The following VPS8 variants were observed in gnomAD, a reference collection of about 807,000 sequenced individuals.
The protein encoded by VPS8 is VPS8 subunit of CORVET complex, also known as vacuolar protein sorting-associated protein 8 homolog.
In VPS8, 129 loss-of-function variants were observed where a neutral mutation model predicts 216.4. That is an observed-to-expected ratio of 0.60 (90% CI 0.52 to 0.69). The LOEUF (loss-of-function observed/expected upper bound fraction) is 0.69, where lower values mean the gene tolerates loss of function less well. Among genes scored for constraint, VPS8 ranks in the 30% least tolerant of loss-of-function variants. The probability of loss-of-function intolerance (pLI) is 0.00; values close to 1 mark genes in which losing one functional copy is unlikely to be tolerated. For synonymous variants in VPS8, 571 were observed against 565.4 expected (o/e 1.01, Z -0.14); for missense variants, 1,531 against 1,683.5 (o/e 0.91, Z 1.59).
chr3:184,939,029 CAAAAAAA>C (rs201525906), intron 35 of VPS8, among the ~76,000 whole-genome samples: 1 of 53,460 alleles, frequency 1.9e-5, no homozygotes, highest in Non-Finnish European at 4.2e-5. Flanking sequence ...GACCCTGTCT[CAAAAAAA>C]AAAAAAAAAA....
intron 43 of VPS8, among the ~76,000 whole-genome samples, chr3:184,995,315 C>T (rs1353608769): frequency 6.6e-6 from 1 of 152,024 alleles, no homozygotes; most frequent in African/African-American, 2.4e-5. Flanking sequence ...AAAGGAAAAT[C>T]TGGGTGACAG....
intron 47 of VPS8, among the ~76,000 whole-genome samples, chr3:185,050,902 C>G (rs1475497490): frequency 1.3e-5 from 2 of 152,156 alleles, no homozygotes; most frequent in Non-Finnish European, 2.9e-5. Flanking sequence ...CCCACAGGTC[C>G]CAACTACTGT....
At chr3:185,011,591 A>G (rs778648910) in intron 45 of VPS8, among the ~76,000 whole-genome samples, 1 of 152,246 alleles carries the variant, frequency 6.6e-6, no homozygotes, top group Non-Finnish European at 1.5e-5. Context: ...CAGAGATTTC[A>G]GCAGCTGCCT....
intron 1 of VPS8, chr3:184,817,396 T>G (rs981154966): frequency 6.6e-6 from 1 of 152,166 alleles, no homozygotes; most frequent in African/African-American, 2.4e-5. Context: ...GCATTCCAAC[T>G]GGGGGCAAGG....
intron 34 of VPS8, among the ~76,000 whole-genome samples, chr3:184,934,630 A>G (rs1048139358): frequency 1.8e-4 from 28 of 152,072 alleles, no homozygotes; most frequent in Non-Finnish European, 3.7e-4. Context: ...TCATGAATGG[A>G]TTTTGAATTT....
chr3:184,936,560 T>TGG (rs1741671881), intron 35 of VPS8, among the ~76,000 whole-genome samples: 1 of 148,414 alleles, frequency 6.7e-6, no homozygotes, highest in Admixed American at 6.7e-5. Context: ...TGTGTGTGTG[T>TGG]GGTTGGGAGC....
intron 21 of VPS8, chr3:184,882,358 A>G: frequency 2.2e-6 from 1 of 454,506 alleles, no homozygotes; most frequent in South Asian, 1.6e-5. Context: ...GGCTATTGGC[A>G]TGGCATATCG....
chr3:184,953,737 T>C (rs2109435798), intron 36 of VPS8, among the ~76,000 whole-genome samples: 1 of 152,308 alleles, frequency 6.6e-6, no homozygotes, highest in Middle Eastern at 3.4e-3. Context: ...GCTGTTTCTT[T>C]GTTATCAGGT....
chr3:184,829,372 C>T (rs978366943), intron 3 of VPS8, among the ~76,000 whole-genome samples: 9 of 152,086 alleles, frequency 5.9e-5, no homozygotes, highest in Non-Finnish European at 1.0e-4. Context: ...CACCACCATA[C>T]GTGGCAAAGT....
chr3:185,023,950 T>C (rs1407900179), intron 45 of VPS8, among the ~76,000 whole-genome samples: 1 of 152,266 alleles, frequency 6.6e-6, no homozygotes, highest in Admixed American at 6.5e-5. Flanking sequence ...CTTCTGTGCA[T>C]GCTTTGCTTC....
At chr3:184,830,150 A>G (rs1358975685) in intron 3 of VPS8, among the ~76,000 whole-genome samples, 4 of 151,658 alleles carry the variant, frequency 2.6e-5, no homozygotes, top group Admixed American at 2.0e-4. Context: ...TAGATCTGTA[A>G]TTCATCTGGA....
chr3:185,041,853 CA>C (rs1351728326), intron 46 of VPS8, among the ~76,000 whole-genome samples: 3 of 152,198 alleles, frequency 2.0e-5, no homozygotes, highest in African/African-American at 7.2e-5. Flanking sequence ...TCAATTGTGC[CA>C]GCCCTGAAAG....
intron 45 of VPS8, among the ~76,000 whole-genome samples, chr3:185,023,586 AG>A (rs1217105468): frequency 2.0e-5 from 3 of 152,138 alleles, no homozygotes; most frequent in African/African-American, 7.2e-5. Flanking sequence ...TGAACCTGGG[AG>A]GCGGAGGTTG....
At chr3:184,912,999 G>C (rs949696867) in intron 25 of VPS8, among the ~76,000 whole-genome samples, 19 of 152,136 alleles carry the variant, frequency 1.2e-4, no homozygotes, top group Non-Finnish European at 2.1e-4. Flanking sequence ...GAACAGGCTC[G>C]TATCACAAGA....
chr3:184,937,724 G>A (rs1428074440), intron 35 of VPS8, among the ~76,000 whole-genome samples: 4 of 152,120 alleles, frequency 2.6e-5, no homozygotes, highest in South Asian at 2.1e-4. Flanking sequence ...AAGGTTCTGG[G>A]TATAAAAGCC....
chr3:185,006,187 C>T (rs543969253), intron 45 of VPS8, among the ~76,000 whole-genome samples: 1 of 152,130 alleles, frequency 6.6e-6, no homozygotes, highest in East Asian at 1.9e-4. Flanking sequence ...TCTCTGTGTC[C>T]TTTGATTTTC....
chr3:184,975,783 C>A (rs976691056), intron 40 of VPS8, among the ~76,000 whole-genome samples: 2 of 152,014 alleles, frequency 1.3e-5, no homozygotes, highest in African/African-American at 4.8e-5. Context: ...TTGTCAAATG[C>A]TTTTTCTGAA....
At chr3:185,033,148 G>A (rs57174616) in intron 46 of VPS8, among the ~76,000 whole-genome samples, 6,064 of 152,084 alleles carry the variant, frequency 0.04, 212 homozygotes, top group East Asian at 0.1. Flanking sequence ...ATTAACTAAA[G>A]TCCATGGTTT....
At chr3:184,931,356 A>G (rs1225420711) in intron 34 of VPS8, among the ~76,000 whole-genome samples, 1 of 152,174 alleles carries the variant, frequency 6.6e-6, no homozygotes, top group Non-Finnish European at 1.5e-5. Context: ...ATTTAAACTG[A>G]GGTAATCCTA....
Sources: gnomAD v4.1 joint callset for allele counts (sites outside exome capture counted in the v4.1 genomes callset) on GRCh38, gnomAD v4.1.1 for gene constraint, MANE v1.5 for transcripts, NCBI Gene and HGNC (gene_info 2026-07-23, HGNC 2026-07-21) for gene names.